The following LPP variants were observed in gnomAD, a reference collection of about 807,000 sequenced individuals.
LPP encodes lipoma-preferred partner.
LPP carries 38 observed loss-of-function variants against 60.4 expected under a neutral mutation model. The ratio of observed to expected loss-of-function variants is 0.63; its 90% CI spans 0.49 to 0.83. LPP has a LOEUF of 0.83. Among genes scored for constraint, LPP ranks in the 40% least tolerant of loss-of-function variants. The pLI, the probability that LPP is intolerant of heterozygous loss-of-function variation, is 0.00. For synonymous variants in LPP, 328 were observed against 290.8 expected, an observed-to-expected ratio of 1.13 and a Z score of -1.30; for missense variants, 902 against 783.6, an observed-to-expected ratio of 1.15 and a Z score of -1.80.
chr3:188,521,783 A>G (rs1199688583), intron 5 of LPP, among the ~76,000 whole-genome samples: 1 of 152,124 alleles, frequency 6.6e-6, no homozygotes, highest in Non-Finnish European at 1.5e-5. Flanking sequence ...TGAGAAAACT[A>G]TGGCCCAGGG....
chr3:188,398,553 T>C (rs1388594911), intron 3 of LPP, among the ~76,000 whole-genome samples: 1 of 152,222 alleles, frequency 6.6e-6, no homozygotes, highest in African/African-American at 2.4e-5. Context: ...TAAGAAGAAG[T>C]TGAGTGAATA....
intron 1 of LPP, among the ~76,000 whole-genome samples, chr3:188,163,397 G>A (rs561904221): frequency 2.1e-4 from 32 of 152,236 alleles, no homozygotes; most frequent in Admixed American, 8.5e-4. Context: ...GCCATTGTTA[G>A]TGTCCCTTAA....
rs1416759310 is a variant in LPP at position 188,554,137 on chromosome 3, AT to A, written c.429+29353del. On this transcript the variant is annotated intron_variant, in intron 6 of 11. Coordinates refer to ENST00000617246, the MANE Select transcript of LPP (RefSeq NM_001375462.1). The stretch of plus-strand genomic sequence containing the variant: ...ACTGCAAGTTGTTTCTCACGTGTGA[AT>A]TTGATGCTTTTTTTTAAAAAAAAGA... 3 of 152,256 alleles carry A rather than the reference AT, an allele frequency of 2.0e-5. No homozygotes were observed. The East Asian group carries it at 5.8e-4, about 29-fold the overall frequency. 9.4% of individuals were successfully genotyped at this position (152,256 alleles called of 1,614,324 possible). A position where few individuals can be genotyped will look rare whatever the true frequency, so the allele number is the denominator to read the frequency against.
intron 10 of LPP, among the ~76,000 whole-genome samples, chr3:188,869,690 G>A (rs1290968352): frequency 2.6e-5 from 4 of 152,190 alleles, no homozygotes; most frequent in South Asian, 2.1e-4. Flanking sequence ...GTCTGGAGTG[G>A]GGCCTAAGAT....
intron 4 of LPP, among the ~76,000 whole-genome samples, chr3:188,415,132 T>C (rs981985558): frequency 6.6e-6 from 1 of 152,204 alleles, no homozygotes; most frequent in Non-Finnish European, 1.5e-5. Flanking sequence ...TAATCATCTT[T>C]ATTTTTGAAT....
chr3:188,753,490 T>C, intron 8 of LPP, among the ~76,000 whole-genome samples: 1 of 152,058 alleles, frequency 6.6e-6, no homozygotes, highest in Admixed American at 6.6e-5. Flanking sequence ...CAGCCTTCAC[T>C]TCATCTCATC....
At chr3:188,284,087 T>C (rs11713973) in intron 2 of LPP, among the ~76,000 whole-genome samples, 76,199 of 151,882 alleles carry the variant, frequency 0.5, 20,396 homozygotes, top group Middle Eastern at 0.62. Flanking sequence ...ATATGGTTTA[T>C]ATCCTTCTAA....
At position 188,252,436 on chromosome 3, in the gene LPP, A is replaced by G. The variant is rs551607848; in HGVS notation, c.-67+26909A>G. Among the ~76,000 whole-genome samples the G allele has an allele frequency of 3.3e-5, 5 of 149,734 alleles. No homozygotes were observed. The South Asian group carries it at 6.3e-4, about 19-fold the overall frequency. On this transcript the variant is annotated intron_variant, in intron 2 of 11. Transcript: ENST00000617246. ...TGGATAGTTTTCTGCAATGAATAAC[A>G]TTATGCATATGTATTTCCATATCAT...
intron 2 of LPP, among the ~76,000 whole-genome samples, chr3:188,247,733 A>C (rs1727489601): frequency 6.7e-6 from 1 of 148,884 alleles, no homozygotes; most frequent in Non-Finnish European, 1.5e-5. Flanking sequence ...TGGGAGGTGG[A>C]GGTTGCAGTG....
intron 9 of LPP, among the ~76,000 whole-genome samples, chr3:188,839,067 A>G (rs896284037): frequency 1.9e-4 from 29 of 152,160 alleles, no homozygotes; most frequent in African/African-American, 6.5e-4. Context: ...AGGAATCACA[A>G]TTTGCAGTGC....
rs900206018 is a variant in LPP at position 188,881,030 on chromosome 3, C to G, written c.*6551C>G. The G allele has an allele frequency of 1.2e-5, 2 of 160,554 alleles. No homozygotes were observed. The highest frequency in any genetic ancestry group is 4.8e-5 in the African/African-American group (2 of 41,272). 9.9% of individuals were successfully genotyped at this position (160,554 alleles called of 1,614,324 possible). ...TGGCGGGCGCCTGTAGTCCCAGCTA[C>G]TCAGGAGGCTGAGGCAGGAGAATGG... On this transcript the variant is annotated 3_prime_UTR_variant, in exon 12 of 12. Transcript: ENST00000617246.
At chr3:188,332,489 A>G (rs748615605) in intron 2 of LPP, among the ~76,000 whole-genome samples, 7 of 152,228 alleles carry the variant, frequency 4.6e-5, no homozygotes, top group Non-Finnish European at 1.0e-4. Flanking sequence ...GGTGTGTGTT[A>G]TAGTAGTTGC....
At chr3:188,216,546 C>T (rs923182461) in intron 1 of LPP, among the ~76,000 whole-genome samples, 2 of 152,182 alleles carry the variant, frequency 1.3e-5, no homozygotes, top group African/African-American at 2.4e-5. Context: ...GATGGGATTA[C>T]AGGCATGAGC....
intron 5 of LPP, among the ~76,000 whole-genome samples, chr3:188,485,768 G>T (rs1366806407): frequency 8.7e-6 from 1 of 115,580 alleles, no homozygotes; most frequent in Non-Finnish European, 1.7e-5. Context: ...CTGCACTCCA[G>T]CCTGGGCGAC....
At chr3:188,554,163 A>C (rs1253457891) in intron 6 of LPP, 1 of 152,068 alleles carries the variant, frequency 6.6e-6, no homozygotes, top group Non-Finnish European at 1.5e-5. Context: ...TAAAAAAAAG[A>C]AAGATTTTCT....
chr3:188,870,305 AT>A (rs1767782502), intron 10 of LPP, among the ~76,000 whole-genome samples: 1 of 152,232 alleles, frequency 6.6e-6, no homozygotes, highest in African/African-American at 2.4e-5. Flanking sequence ...GTCGTTGCTT[AT>A]TCTTGTATTC....
chr3:188,598,437 A>T (rs1840406327), intron 6 of LPP, among the ~76,000 whole-genome samples: 1 of 152,154 alleles, frequency 6.6e-6, no homozygotes, highest in Admixed American at 6.6e-5. Context: ...TAGGGCACCA[A>T]TAAGTTAATA....
intron 7 of LPP, among the ~76,000 whole-genome samples, chr3:188,673,526 G>A (rs1348317680): frequency 2.0e-5 from 3 of 152,120 alleles, no homozygotes; most frequent in Non-Finnish European, 2.9e-5. Context: ...TTAGGCTCAT[G>A]CTTTGGTCTC....
intron 6 of LPP, among the ~76,000 whole-genome samples, chr3:188,594,660 A>C (rs1416627320): frequency 2.6e-5 from 4 of 152,186 alleles, no homozygotes; most frequent in Non-Finnish European, 5.9e-5. Flanking sequence ...GAGCCAACTA[A>C]ACATCATATT....
Sources: gnomAD v4.1 joint callset for allele counts (sites outside exome capture counted in the v4.1 genomes callset) on GRCh38, gnomAD v4.1.1 for gene constraint, MANE v1.5 for transcripts, NCBI Gene and HGNC (gene_info 2026-07-23, HGNC 2026-07-21) for gene names.